METTL2A: variants seen among roughly 807,000 people sequenced by gnomAD.
METTL2A encodes the protein methyltransferase 2A, tRNA N3-cytidine, also known as tRNA N(3)-cytidine methyltransferase METTL2A.
In METTL2A, 45 loss-of-function variants were observed where a neutral mutation model predicts 49.4. The ratio of observed to expected loss-of-function variants is 0.91; its 90% CI spans 0.72 to 1.17. The LOEUF (loss-of-function observed/expected upper bound fraction) is 1.17. METTL2A is among the 50% of genes most tolerant of loss of function. The probability of loss-of-function intolerance (pLI) is 0.00; values close to 1 mark genes in which losing one functional copy is unlikely to be tolerated. For missense variants in METTL2A, 361 were observed against 462.2 expected (o/e 0.78, Z 2.01); for synonymous variants, 118 against 167.5 (o/e 0.70, Z 2.28).
Position 62,448,955 on chromosome 17 carries a change from T to A in METTL2A, c.*226T>A, listed in dbSNP as rs3207639. 13 of 515,462 alleles carry A rather than the reference T, an allele frequency of 2.5e-5. No homozygotes were observed. The highest frequency in any genetic ancestry group is 2.0e-4 in the African/African-American group (10 of 50,700). The allele number at this position is 515,462 out of a possible 1,614,324, so 31.9% of individuals were successfully genotyped here. A position where few individuals can be genotyped will look rare whatever the true frequency, so the allele number is the denominator to read the frequency against. ...AAATATAAATGAGGTCTCGTTGATG[T>A]TGGACAATTCAAGAATTCAGACTTG... On this transcript the variant is annotated 3_prime_UTR_variant, in exon 9 of 9. Coordinates refer to ENST00000311506, the MANE Select transcript of METTL2A (RefSeq NM_181725.4).
rs1043720146 is a variant in METTL2A at position 62,449,443 on chromosome 17, G to A, written c.*714G>A. ...AATCTTAGTTCCGCCAGGCACGGTG[G>A]CTCACACCTGTAATCCCAGCACTTT... On this transcript the variant is annotated 3_prime_UTR_variant, in exon 9 of 9. Transcript: ENST00000311506. 3.6e-5 allele frequency: 16 copies of A among 449,902 alleles called. No individual in the cohort carries two copies. The highest frequency in any genetic ancestry group is 7.1e-5 in the Non-Finnish European group (16 of 224,900). The allele number at this position is 449,902 out of a possible 1,614,324, so 27.9% of individuals were successfully genotyped here.
In METTL2A at chr17:62,425,389, C is replaced by CTTTTTTTTTTTTTT. The variant is rs746253160; in HGVS notation, c.203-908_203-895dup. 1.4e-4 allele frequency among the ~76,000 whole-genome samples: 11 copies of CTTTTTTTTTTTTTT among 78,204 alleles called. 1 individual carries two copies. The highest frequency in any genetic ancestry group is 4.7e-4 in the African/African-American group (9 of 19,202). The allele number at this position is 78,204 out of a possible 152,430, so 51.3% of individuals were successfully genotyped here. A position where few individuals can be genotyped will look rare whatever the true frequency, so the allele number is the denominator to read the frequency against. The stretch of plus-strand genomic sequence containing the variant: ...ACAGCCTTCATTTAAACTGTCCATA[C>CTTTTTTTTTTTTTT]TTTTTTTTTTTTTTTGGAGATGGAG... On this transcript the variant is annotated intron_variant, in intron 2 of 8. Coordinates refer to ENST00000311506, the MANE Select transcript of METTL2A (RefSeq NM_181725.4).
In METTL2A at chr17:62,451,382, A is replaced by G. The variant is rs62074037; in HGVS notation, c.*2653A>G. Among the ~76,000 whole-genome samples the G allele has an allele frequency of 0.029, 4,322 of 150,150 alleles. 81 individuals are homozygous for G. Among genetic ancestry groups the G allele is most frequent in the Non-Finnish European group, 0.043 (2,909 of 67,476 alleles). On this transcript the variant is annotated 3_prime_UTR_variant, in exon 9 of 9. Coordinates refer to ENST00000311506, the MANE Select transcript of METTL2A (RefSeq NM_181725.4). ...AGGCTGATCTCGAACTCCCGACCTC[A>G]GGTGATCTGCCCGCCTTGGCCTCCC...
intron 5 of METTL2A, among the ~76,000 whole-genome samples, chr17:62,435,960 G>A (rs1482492788): frequency 3.9e-5 from 6 of 152,144 alleles, no homozygotes; most frequent in Admixed American, 1.3e-4. Context: ...TTGCATGCTG[G>A]TGCGGTGACT....
At chr17:62,443,407 A>G (rs1171809038) in intron 6 of METTL2A, among the ~76,000 whole-genome samples, 2 of 152,098 alleles carry the variant, frequency 1.3e-5, no homozygotes, top group African/African-American at 4.8e-5. Flanking sequence ...AGAAGTTTCA[A>G]TGCTACAAAC....
At chr17:62,431,022 T>C (rs1311924724) in intron 4 of METTL2A, among the ~76,000 whole-genome samples, 1 of 151,540 alleles carries the variant, frequency 6.6e-6, no homozygotes, top group East Asian at 2.0e-4. Flanking sequence ...TGTGCCACCA[T>C]ACCCAGCTAA....
At chr17:62,447,190 G>GAGGCA in intron 7 of METTL2A, among the ~76,000 whole-genome samples, 1 of 152,278 alleles carries the variant, frequency 6.6e-6, no homozygotes, top group Middle Eastern at 3.4e-3. Context: ...AGGCCACGGT[G>GAGGCA]GGTGGATCAC....
chr17:62,424,325 G>A lies in METTL2A; in HGVS notation c.202+15G>A. ...GGAGAAACAAGGTGCGCTTAAATGG[G>A]CTCTCATTGGTATCAACAGCCAGCG... On this transcript the variant is annotated intron_variant, in intron 2 of 8. Transcript: ENST00000311506. The A allele has an allele frequency of 6.2e-7, 1 of 1,613,780 alleles. No homozygotes were observed. Among genetic ancestry groups the A allele is most frequent in the South Asian group, 1.1e-5 (1 of 91,000 alleles).
chr17:62,431,778 T>A (rs1173102123), intron 4 of METTL2A, among the ~76,000 whole-genome samples: 2 of 152,154 alleles, frequency 1.3e-5, no homozygotes, highest in Non-Finnish European at 2.9e-5. Flanking sequence ...TGGAATGCAG[T>A]GGCACGATCT....
intron 7 of METTL2A, 97 bp from the exon 8 acceptor site, chr17:62,447,604 C>T (rs1157632675): frequency 7.4e-7 from 1 of 1,355,466 alleles, no homozygotes; most frequent in Non-Finnish European, 1.0e-6. Flanking sequence ...GGAGTGCTCT[C>T]CACCCAACAA....
At chr17:62,437,358 A>G (rs896693339) in intron 5 of METTL2A, among the ~76,000 whole-genome samples, 2 of 152,094 alleles carry the variant, frequency 1.3e-5, no homozygotes, top group Non-Finnish European at 2.9e-5. Flanking sequence ...TACAGCCCCA[A>G]GTTCCTGGTA....
chr17:62,424,665 G>A (rs1301455593), intron 2 of METTL2A, among the ~76,000 whole-genome samples: 1 of 152,098 alleles, frequency 6.6e-6, no homozygotes, highest in Non-Finnish European at 1.5e-5. Flanking sequence ...TCCATGAGGA[G>A]ATGTTTTCCA....
chr17:62,448,942 G>C lies in METTL2A; in HGVS notation c.*213G>C. On this transcript the variant is annotated 3_prime_UTR_variant, in exon 9 of 9. Transcript: ENST00000311506. The stretch of plus-strand genomic sequence containing the variant: ...TAATAAAAATAAAAAATATAAATGA[G>C]GTCTCGTTGATGTTGGACAATTCAA... The C allele has an allele frequency of 1.7e-6, 1 of 582,580 alleles. No homozygotes were observed. Among genetic ancestry groups the C allele is most frequent in the Non-Finnish European group, 2.6e-6 (1 of 381,222 alleles). The allele number at this position is 582,580 out of a possible 1,614,324, so 36.1% of individuals were successfully genotyped here.
Position 62,453,098 on chromosome 17 carries a change from T to C in METTL2A, c.*4369T>C, listed in dbSNP as rs1293669521. ...ACTGTCCTTCAGCATCCCTAAAGCA[T>C]TTCAACACTATAGGCACAGTTTTTA... On this transcript the variant is annotated 3_prime_UTR_variant, in exon 9 of 9. Transcript: ENST00000311506. Among the ~76,000 whole-genome samples the C allele has an allele frequency of 6.6e-6, 1 of 152,226 alleles. No homozygotes were observed. The highest frequency in any genetic ancestry group is 1.5e-5 in the Non-Finnish European group (1 of 68,042).
chr17:62,424,258 G>A lies in METTL2A; in HGVS notation c.150G>A (p.Ala50=). 3.7e-6 allele frequency: 6 copies of A among 1,614,100 alleles called. No homozygotes were observed. In the African/African-American group the frequency reaches 5.3e-5, roughly 14 times the overall value. ...GGTCGGAAGAGCAAGCCGCGGCGGC[G>A]GAGAGAAAAGTCCAGGAGAACAGTA... ...VEWSEEQAAA[A]ERKVQENSIQ... is the part of the protein sequence containing the mutation. The change falls in exon 2 of 9, where the codon GCG becomes GCA. Residue 50 remains alanine (A), a synonymous_variant. Transcript: ENST00000311506.
intron 4 of METTL2A, chr17:62,434,875 G>A (rs1179264186): frequency 6.7e-6 from 2 of 300,122 alleles, no homozygotes. Flanking sequence ...TGTGTTCCTG[G>A]TGTGGAGAAA....
chr17:62,426,677 G>A (rs773231942), intron 3 of METTL2A, 23 bp downstream of exon 3: 173 of 1,000,612 alleles, frequency 1.7e-4, no homozygotes, highest in Non-Finnish European at 2.5e-4. Context: ...TGTCTTGGTA[G>A]TGGGATATGT....
Position 62,452,115 on chromosome 17 carries a change from T to C in METTL2A, c.*3386T>C, listed in dbSNP as rs1188279338. Among the ~76,000 whole-genome samples, 1 of 152,238 alleles carries C rather than the reference T, an allele frequency of 6.6e-6. No homozygotes were observed. Among genetic ancestry groups the C allele is most frequent in the Non-Finnish European group, 1.5e-5 (1 of 68,042 alleles). ...ATAATTGTATTGAATTTATTAGTTG[T>C]GTCTCAGTCTCCTTCAGTCTACGGG... On this transcript the variant is annotated 3_prime_UTR_variant, in exon 9 of 9. Coordinates refer to ENST00000311506, the MANE Select transcript of METTL2A (RefSeq NM_181725.4).
At chr17:62,437,030 T>C (rs1423325341) in intron 5 of METTL2A, among the ~76,000 whole-genome samples, 3 of 151,642 alleles carry the variant, frequency 2.0e-5, no homozygotes, top group Non-Finnish European at 4.4e-5. Flanking sequence ...CAACTCCTTA[T>C]AGATAAGGAT....
Sources: allele counts gnomAD v4.1 joint callset (sites outside exome capture counted in the v4.1 genomes callset), GRCh38; gene constraint gnomAD v4.1.1; transcripts MANE v1.5; gene names NCBI Gene and HGNC (gene_info 2026-07-23, HGNC 2026-07-21).